Variants in ERC2 observed in about 807,000 individuals in gnomAD.
ERC2 encodes the protein ERC protein 2.
ERC2 carries 42 observed loss-of-function variants against 114.8 expected under a neutral mutation model. The observed-to-expected ratio is 0.37, with a 90% CI of 0.29 to 0.47. ERC2 has a LOEUF of 0.47. ERC2 is among the 20% of genes least tolerant of loss of function. ERC2 has a pLI of 0.99. For missense variants in ERC2, 939 were observed against 1,150.7 expected (o/e 0.82, Z 2.66); for synonymous variants, 454 against 425.5 (o/e 1.07, Z -0.82).
intron 2 of ERC2, among the ~76,000 whole-genome samples, chr3:56,426,510 G>A (rs1370402963): frequency 6.6e-6 from 1 of 152,242 alleles, no homozygotes; most frequent in African/African-American, 2.4e-5. Flanking sequence ...TTGGCAGGGA[G>A]TAAATTTCCT....
intron 12 of ERC2, among the ~76,000 whole-genome samples, chr3:55,977,249 T>G (rs1477901415): frequency 6.6e-6 from 1 of 152,200 alleles, no homozygotes; most frequent in Non-Finnish European, 1.5e-5. Context: ...CTTCTAAGTA[T>G]GATACAAAAT....
At chr3:55,799,398 TATATATATATGCCTTATATATATGC>T (rs1341523959) in intron 14 of ERC2, among the ~76,000 whole-genome samples, 55 of 99,490 alleles carry the variant, frequency 5.5e-4, no homozygotes, top group East Asian at 2.9e-3. Context: ...TATATATGCA[TATATATATATGCCTTATATATATGC>T]ATATATATAT....
intron 14 of ERC2, among the ~76,000 whole-genome samples, chr3:55,817,429 C>A (rs904468657): frequency 6.6e-6 from 1 of 152,236 alleles, no homozygotes; most frequent in Non-Finnish European, 1.5e-5. Context: ...ATTGGACACT[C>A]CTGAGAGTTC....
intron 2 of ERC2, among the ~76,000 whole-genome samples, chr3:56,427,934 C>T (rs1221401696): frequency 6.6e-6 from 1 of 152,136 alleles, no homozygotes; most frequent in Non-Finnish European, 1.5e-5. Context: ...ATAAGCATAT[C>T]CAATATGTTG....
intron 15 of ERC2, among the ~76,000 whole-genome samples, chr3:55,717,574 A>G (rs909177222): frequency 3.4e-4 from 52 of 152,266 alleles, no homozygotes; most frequent in African/African-American, 1.3e-3. Context: ...TTGTCCCTGA[A>G]TAAGTATGTG....
chr3:56,382,753 C>A (rs1425392110), intron 2 of ERC2, among the ~76,000 whole-genome samples: 1 of 152,102 alleles, frequency 6.6e-6, no homozygotes, highest in Non-Finnish European at 1.5e-5. Context: ...ATTATACTCA[C>A]CTTTTTCATG....
intron 17 of ERC2, among the ~76,000 whole-genome samples, chr3:55,511,805 G>A (rs2107126890): frequency 6.6e-6 from 1 of 152,336 alleles, no homozygotes; most frequent in East Asian, 1.9e-4. Context: ...CTGGGGAACA[G>A]GTATCCAGAA....
chr3:55,562,716 C>T (rs2107486441), intron 17 of ERC2, among the ~76,000 whole-genome samples: 1 of 152,136 alleles, frequency 6.6e-6, no homozygotes, highest in Middle Eastern at 3.4e-3. Context: ...CATTTCTTTC[C>T]AGCTGCACGG....
intron 3 of ERC2, among the ~76,000 whole-genome samples, chr3:56,176,189 T>C (rs534396059): frequency 6.6e-6 from 1 of 152,320 alleles, no homozygotes; most frequent in East Asian, 1.9e-4. Flanking sequence ...ATCAAAATCA[T>C]CTTATTAAAA....
chr3:55,747,632 T>C (rs4955872), intron 14 of ERC2, among the ~76,000 whole-genome samples: 27,451 of 152,248 alleles, frequency 0.18, 2,748 homozygotes, highest in Admixed American at 0.29. Context: ...TGCACACTCA[T>C]TAATCATGAT....
At chr3:56,050,687 T>C (rs2075722513) in intron 7 of ERC2, among the ~76,000 whole-genome samples, 1 of 152,188 alleles carries the variant, frequency 6.6e-6, no homozygotes, top group African/African-American at 2.4e-5. Context: ...TCTCAACACC[T>C]GTACTGCTTC....
At chr3:55,672,737 G>C (rs2148740511) in intron 17 of ERC2, among the ~76,000 whole-genome samples, 1 of 152,304 alleles carries the variant, frequency 6.6e-6, no homozygotes, top group East Asian at 1.9e-4. Flanking sequence ...GGCCCCCTCA[G>C]TGTTTGTCAG....
intron 7 of ERC2, among the ~76,000 whole-genome samples, chr3:56,048,892 A>G (rs1390192267): frequency 6.6e-6 from 1 of 152,192 alleles, no homozygotes; most frequent in African/African-American, 2.4e-5. Flanking sequence ...AGGGAACAGT[A>G]AGTGATGGGG....
chr3:55,640,448 C>T (rs966776900), intron 17 of ERC2, among the ~76,000 whole-genome samples: 4 of 152,184 alleles, frequency 2.6e-5, no homozygotes, highest in Admixed American at 2.0e-4. Flanking sequence ...GTTGACTGTA[C>T]CAAGTTAGGA....
In ERC2 at chr3:55,979,966, T is replaced by C. The variant is rs115192512; in HGVS notation, c.2267+6011A>G. Among the ~76,000 whole-genome samples the C allele has an allele frequency of 9.0e-3, 1,352 of 150,468 alleles. 20 individuals are homozygous for C. Among genetic ancestry groups the C allele is most frequent in the African/African-American group, 0.031 (1,269 of 41,168 alleles). ...TCTTCTTCTTTTTTTTTCTTTTTTT[T>C]TTTTTTTTAAGGAACCATAGAGGCT... On this transcript the variant is annotated intron_variant, in intron 12 of 17. Transcript: ENST00000288221.
chr3:56,114,545 T>C (rs9814900), intron 6 of ERC2, among the ~76,000 whole-genome samples: 26,222 of 152,060 alleles, frequency 0.17, 2,458 homozygotes, highest in African/African-American at 0.23. Flanking sequence ...AAGAGGGGGT[T>C]CCATTCAGTG....
At chr3:55,741,346 A>C (rs1429962201) in intron 14 of ERC2, among the ~76,000 whole-genome samples, 1 of 152,108 alleles carries the variant, frequency 6.6e-6, no homozygotes, top group African/African-American at 2.4e-5. Context: ...AAAAACTGGA[A>C]AAACTAAAAT....
At chr3:56,006,359 C>T (rs528038213) in intron 10 of ERC2, among the ~76,000 whole-genome samples, 16 of 152,094 alleles carry the variant, frequency 1.1e-4, no homozygotes, top group Non-Finnish European at 1.8e-4. Context: ...CCGGTGTGTG[C>T]TATGAATTAT....
intron 7 of ERC2, among the ~76,000 whole-genome samples, chr3:56,040,369 C>G (rs1231696127): frequency 6.6e-6 from 1 of 150,898 alleles, no homozygotes; most frequent in Non-Finnish European, 1.5e-5. Flanking sequence ...CTTTGCCATT[C>G]TTTTAGACAG....
Sources: gnomAD v4.1 joint callset for allele counts (sites outside exome capture counted in the v4.1 genomes callset) on GRCh38, gnomAD v4.1.1 for gene constraint, MANE v1.5 for transcripts, NCBI Gene and HGNC (gene_info 2026-07-23, HGNC 2026-07-21) for gene names.